Variants in FAM187A observed in about 807,000 individuals in gnomAD.
FAM187A encodes the protein Ig-like V-type domain-containing protein FAM187A.
Under a neutral mutation model 6.4 loss-of-function variants are expected in FAM187A, and 4 were observed. That is an observed-to-expected ratio of 0.63 (90% CI 0.31 to 1.44). FAM187A has a LOEUF of 1.44. Among genes scored for constraint, FAM187A ranks in the 40% most tolerant of loss-of-function variants. The pLI, the probability that FAM187A is intolerant of heterozygous loss-of-function variation, is 0.07. For synonymous variants in FAM187A, 221 were observed against 213.4 expected, an observed-to-expected ratio of 1.04 and a Z score of -0.31; for missense variants, 463 against 542.2, an observed-to-expected ratio of 0.85 and a Z score of 1.45.
chr17:44,904,690 C>T, exon 4 of FAM187A: 3 of 1,550,602 alleles, frequency 1.9e-6, no homozygotes, highest in Non-Finnish European at 2.6e-6. Context: ...GACTCATCAT[C>T]TCCTGTCCTG....
At chr17:44,904,981 C>T (rs1398233084) in exon 4 of FAM187A, 42 of 1,550,816 alleles carry the variant, frequency 2.7e-5, no homozygotes, top group Non-Finnish European at 3.6e-5. Flanking sequence ...CCCTGATAGG[C>T]TACCTGCTCA....
exon 4 of FAM187A, chr17:44,904,140 G>T: frequency 1.3e-6 from 2 of 1,550,406 alleles, no homozygotes. Flanking sequence ...ACCCGCTTCA[G>T]CATCCGCATG....
exon 4 of FAM187A, chr17:44,904,093 G>T: frequency 1.3e-6 from 2 of 1,550,628 alleles, no homozygotes; most frequent in East Asian, 2.4e-5. Flanking sequence ...GGGTGCTGAC[G>T]GAGGCAGCCC....
chr17:44,904,973 C>G, exon 4 of FAM187A: 2 of 1,550,782 alleles, frequency 1.3e-6, no homozygotes, highest in Non-Finnish European at 1.7e-6. Flanking sequence ...GGAGCTCACC[C>G]TGATAGGCTA....
exon 4 of FAM187A, chr17:44,903,440 C>A: frequency 8.0e-7 from 1 of 1,251,764 alleles, no homozygotes; most frequent in Non-Finnish European, 1.0e-6. Context: ...AAAGACTTTT[C>A]CACCAGGCTG....
exon 4 of FAM187A, chr17:44,904,323 A>C: frequency 6.5e-7 from 1 of 1,543,654 alleles, no homozygotes. Flanking sequence ...TACTATGGGC[A>C]CCTCCATGTC....
rs747237837 is a variant in FAM187A at position 44,904,566 on chromosome 17, CAAAG to C, written c.739_742del (p.Lys247ProfsTer66). 16 of 1,550,590 alleles carry C rather than the reference CAAAG, an allele frequency of 1.0e-5. 1 individual carries two copies. In the South Asian group the frequency reaches 1.7e-4, roughly 16 times the overall value. ...AGCTGCTTAGTACCCTGTGAGAAGA[CAAAG>C]ACCATCCGGGAGGGCGTGCTGGCCA... is the stretch of plus-strand genomic sequence containing the variant. On this transcript the variant is annotated frameshift_variant, in exon 4 of 4. Coordinates refer to ENST00000331733, the Ensembl canonical transcript of FAM187A. LOFTEE classifies it high-confidence loss of function.
At chr17:44,905,107 A>G in exon 4 of FAM187A, 1 of 1,459,888 alleles carries the variant, frequency 6.8e-7, no homozygotes, top group Non-Finnish European at 9.2e-7. Flanking sequence ...GTTGTCCTTC[A>G]ATGTGTTTGT....
Position 44,904,932 on chromosome 17 carries a change from C to T in FAM187A, c.1103C>T (p.Ser368Leu), listed in dbSNP as rs1202829209. 3.0e-5 allele frequency: 46 copies of T among 1,550,534 alleles called. No individual in the cohort carries two copies. The Admixed American group carries it at 6.7e-4, about 22-fold the overall frequency. ...ACATCTCATGGGCACTACCCAGCCTCGTTCTCAGATCCTGAGACTCGCTCG... is the reference window on the plus strand; with the variant it reads ...ACATCTCATGGGCACTACCCAGCCTTGTTCTCAGATCCTGAGACTCGCTCG... The change falls in exon 4 of 4, where the codon TCG becomes TTG. Residue 368 changes from serine (S) to leucine (L), a missense_variant. Ser to Leu is a moderately radical substitution (Grantham distance 145, BLOSUM62 -2). Transcript: ENST00000331733.
At chr17:44,904,633 G>T (rs1567767755) in exon 4 of FAM187A, 1 of 1,550,512 alleles carries the variant, frequency 6.4e-7, no homozygotes, top group Non-Finnish European at 8.7e-7. Context: ...GCCGGCCCTG[G>T]GTGCCCCAGG....
chr17:44,905,108 A>G (rs927635619), exon 4 of FAM187A: 35 of 1,456,426 alleles, frequency 2.4e-5, no homozygotes, highest in Non-Finnish European at 3.1e-5. Context: ...TTGTCCTTCA[A>G]TGTGTTTGTT....
At chr17:44,904,001 G>A (rs774279722) in exon 4 of FAM187A, 49 of 1,550,502 alleles carry the variant, frequency 3.2e-5, no homozygotes, top group East Asian at 2.0e-4. Flanking sequence ...CTGCAAACCC[G>A]AAGAGGTGCC....
At chr17:44,904,877 G>C in exon 4 of FAM187A, 1 of 1,550,666 alleles carries the variant, frequency 6.4e-7, no homozygotes, top group Non-Finnish European at 8.7e-7. Context: ...GAGGCAGGGT[G>C]TGCTAGTTGC....
chr17:44,904,297 G>A (rs922296907), exon 4 of FAM187A: 12 of 1,548,170 alleles, frequency 7.8e-6, no homozygotes, highest in Non-Finnish European at 1.0e-5. Flanking sequence ...AGGGCCAGGA[G>A]CCCTTTGCAG....
exon 4 of FAM187A, chr17:44,904,967 C>T (rs1289950339): frequency 3.2e-6 from 5 of 1,550,638 alleles, no homozygotes; most frequent in Non-Finnish European, 4.4e-6. Flanking sequence ...GGCTGTGGAG[C>T]TCACCCTGAT....
exon 4 of FAM187A, chr17:44,903,762 C>G: frequency 2.0e-6 from 3 of 1,476,466 alleles, no homozygotes; most frequent in Non-Finnish European, 2.7e-6. Flanking sequence ...GCAGAGCTTT[C>G]TAGGAGCCCT....
At chr17:44,905,119 A>G in exon 4 of FAM187A, 8 of 1,404,138 alleles carry the variant, frequency 5.7e-6, no homozygotes, top group Non-Finnish European at 6.8e-6. Flanking sequence ...TGTGTTTGTT[A>G]AATGATACCA....
chr17:44,903,935 C>T, exon 4 of FAM187A: 1 of 1,550,546 alleles, frequency 6.4e-7, no homozygotes, highest in Non-Finnish European at 8.7e-7. Context: ...CCCTGCTTTC[C>T]TGATGTTTGA....
At chr17:44,904,578 G>A (rs897996915) in exon 4 of FAM187A, 58 of 1,550,440 alleles carry the variant, frequency 3.7e-5, no homozygotes, top group South Asian at 2.4e-4. Flanking sequence ...AAGACCATCC[G>A]GGAGGGCGTG....
Sources: gnomAD v4.1 joint callset for allele counts on GRCh38, gnomAD v4.1.1 for gene constraint, MANE v1.5 for transcripts, NCBI Gene and HGNC (gene_info 2026-07-23, HGNC 2026-07-21) for gene names.